The following SLC6A9 variants were observed in gnomAD, a reference collection of about 807,000 sequenced individuals.
The protein encoded by SLC6A9 is sodium- and chloride-dependent glycine transporter 1.
A neutral mutation model predicts 70.9 loss-of-function variants in SLC6A9; 31 were observed. That is an observed-to-expected ratio of 0.44 (90% CI 0.33 to 0.59). The LOEUF (loss-of-function observed/expected upper bound fraction) is 0.59. Among genes scored for constraint, SLC6A9 ranks in the 20% least tolerant of loss-of-function variants. SLC6A9 has a pLI of 0.04. For missense variants in SLC6A9, 631 were observed against 845.2 expected, an observed-to-expected ratio of 0.75 and a Z score of 3.14; for synonymous variants, 310 against 341.3, an observed-to-expected ratio of 0.91 and a Z score of 1.01.
At chr1:44,009,824 G>A in intron 4 of SLC6A9, 141 bp downstream of exon 4, 1 of 989,228 alleles carries the variant, frequency 1.0e-6, no homozygotes. Context: ...CCATGGCTTA[G>A]GCCGTTGATG....
rs1210694432 is a variant in SLC6A9 at position 44,002,415 on chromosome 1, A to G, written c.860T>C (p.Val287Ala). 2 of 1,613,852 alleles carry G rather than the reference A, an allele frequency of 1.2e-6. No homozygotes were observed. Among genetic ancestry groups the G allele is most frequent in the Non-Finnish European group, 1.7e-6 (2 of 1,179,786 alleles). The change falls in exon 8 of 14, where the codon GTG (valine) becomes GCG (alanine). Residue 287 changes from valine (V) to alanine (A), a missense_variant and splice_region_variant. Transcript: ENST00000372310. This position sits in a 1 kb window ranked among gnomAD's most constrained non-coding sequence, Gnocchi z 5.5. ...GATCTGGGAGGCAGCATCACCCCAC[A>G]CCTGCAGGGAAGGACCGGTGGGTGA... ...PQWDKILEAKVWGDAASQIFY... is the reference protein window; with the variant it reads ...PQWDKILEAKAWGDAASQIFY...
intron 2 of SLC6A9, among the ~76,000 whole-genome samples, chr1:44,019,132 T>C (rs2086833902): frequency 6.6e-6 from 1 of 152,142 alleles, no homozygotes; most frequent in Non-Finnish European, 1.5e-5. Context: ...TGAGCATTAG[T>C]AATAATGGTA....
At chr1:44,022,848 G>T (rs1027107690) in intron 2 of SLC6A9, among the ~76,000 whole-genome samples, 4 of 151,620 alleles carry the variant, frequency 2.6e-5, no homozygotes, top group Non-Finnish European at 5.9e-5. Context: ...TGGGATTACA[G>T]GTGCGCACCA....
chr1:44,016,919 G>A, intron 2 of SLC6A9: 1 of 940,930 alleles, frequency 1.1e-6, no homozygotes, highest in Non-Finnish European at 1.5e-6. Context: ...GCTGGTGTCT[G>A]TCTTGCTTGC....
chr1:43,999,757 C>A (rs1051592295), intron 12 of SLC6A9, among the ~76,000 whole-genome samples: 8 of 152,160 alleles, frequency 5.3e-5, no homozygotes, highest in African/African-American at 1.4e-4. Context: ...TGGTGCTGAG[C>A]CCCCTGTGCC....
chr1:44,020,670 C>A (rs1480234675), intron 2 of SLC6A9, among the ~76,000 whole-genome samples: 1 of 152,210 alleles, frequency 6.6e-6, no homozygotes, highest in Admixed American at 6.5e-5. Flanking sequence ...CCCAATAATG[C>A]ACCAAGCCTG....
rs1444714159 is a variant in SLC6A9, at chr1:44,002,359, G to A, written c.916C>T (p.Leu306Phe). Residue 306 changes from leucine to phenylalanine, a missense_variant, in exon 8 of 14, where the codon CTC becomes TTC. Leu to Phe is a conservative substitution (Grantham distance 22). Transcript: ENST00000372310. This position sits in a 1 kb window ranked among gnomAD's most constrained non-coding sequence, Gnocchi z 5.5. ...TTGTTGTAGGAAGCCATGGTGATGA[G>A]GCCTCCCCACGCGCAGCCCAGTGAG... Reference protein sequence around the residue: ...FYSLGCAWGGLITMASYNKFH... With the variant: ...FYSLGCAWGGFITMASYNKFH... 1.2e-6 allele frequency: 2 copies of A among 1,614,082 alleles called. No homozygotes were observed. Among genetic ancestry groups the A allele is most frequent in the Admixed American group, 3.3e-5 (2 of 60,024 alleles).
intron 12 of SLC6A9, among the ~76,000 whole-genome samples, chr1:43,998,308 A>G (rs971216871): frequency 6.6e-6 from 1 of 152,196 alleles, no homozygotes; most frequent in African/African-American, 2.4e-5. Flanking sequence ...GGAATCAGTC[A>G]GTTCTGCTCG....
At chr1:43,998,075 A>ACCCCAGG (rs1557664388) in intron 12 of SLC6A9, 50 bp from the exon 13 acceptor site, 2 of 1,515,334 alleles carry the variant, frequency 1.3e-6, no homozygotes, top group Admixed American at 1.9e-5. Context: ...CAGAGCCCAG[A>ACCCCAGG]CCCCAGGCCA....
At chr1:44,008,710 CTTTT>C (rs1235602993) in intron 4 of SLC6A9, 87 bp from the exon 5 acceptor site, 52 of 845,688 alleles carry the variant, frequency 6.1e-5, no homozygotes, top group Non-Finnish European at 8.4e-5. Flanking sequence ...CTTTTCTTTT[CTTTT>C]TTTTTTTTTG....
At chr1:44,011,924 C>T (rs1179679302) in intron 2 of SLC6A9, among the ~76,000 whole-genome samples, 1 of 152,176 alleles carries the variant, frequency 6.6e-6, no homozygotes, top group African/African-American at 2.4e-5. Context: ...GCTCCTTCCA[C>T]CTCCCTCCCA....
At chr1:44,029,339 G>GA (rs2087048690) in intron 1 of SLC6A9, among the ~76,000 whole-genome samples, 1 of 152,200 alleles carries the variant, frequency 6.6e-6, no homozygotes, top group Admixed American at 6.5e-5. Flanking sequence ...GGAGGAAGTG[G>GA]AGGAGCTGTG....
chr1:44,030,936 C>T (rs1447610853), intron 1 of SLC6A9, among the ~76,000 whole-genome samples: 1 of 152,108 alleles, frequency 6.6e-6, no homozygotes, highest in Non-Finnish European at 1.5e-5. Flanking sequence ...GCTCTGGCTC[C>T]GGCGCTACCC....
At chr1:44,025,122 G>C (rs2086958000) in intron 1 of SLC6A9, among the ~76,000 whole-genome samples, 1 of 144,136 alleles carries the variant, frequency 6.9e-6, no homozygotes. Context: ...AGTTCCCCGA[G>C]GGCTTGGGAC....
chr1:44,017,033 G>C lies in SLC6A9; in HGVS notation c.31-6151C>G, dbSNP rs774167905. The stretch of plus-strand genomic sequence containing the variant: ...CACCAAGGAGGGGGCTCAACTTCCT[G>C]GAAGGTGACTGACCTGTTCTGGGGA... On this transcript the variant is annotated intron_variant, in intron 2 of 13. Coordinates refer to ENST00000372310, the MANE Select transcript of SLC6A9 (RefSeq NM_001024845.3). 5 of 1,568,410 alleles carry C rather than the reference G, an allele frequency of 3.2e-6. No homozygotes were observed. In the African/African-American group the frequency reaches 5.6e-5, roughly 17 times the overall value.
intron 11 of SLC6A9, 29 bp downstream of exon 11, chr1:44,000,927 C>T (rs777606066): frequency 1.2e-5 from 19 of 1,600,534 alleles, no homozygotes; most frequent in African/African-American, 6.7e-5. Context: ...AGGGCCGGGT[C>T]GCGGGAGGCC....
chr1:44,001,103 C>T (rs779504377), intron 10 of SLC6A9, 48 bp from the exon 11 acceptor site: 2 of 1,611,360 alleles, frequency 1.2e-6, no homozygotes, highest in East Asian at 4.5e-5. Context: ...CCCGGGCTCC[C>T]CAACCCTTCC....
intron 2 of SLC6A9, among the ~76,000 whole-genome samples, chr1:44,023,188 G>C (rs958760317): frequency 6.6e-6 from 1 of 152,204 alleles, no homozygotes; most frequent in African/African-American, 2.4e-5. Context: ...CTCAGTCCCA[G>C]GTCCCCACCC....
intron 2 of SLC6A9, among the ~76,000 whole-genome samples, chr1:44,021,664 C>T (rs147178248): frequency 4.1e-4 from 62 of 152,350 alleles, no homozygotes; most frequent in African/African-American, 7.0e-4. Flanking sequence ...CTCACACACA[C>T]GCCCCTTAAC....
Sources: gnomAD v4.1 joint callset for allele counts (sites outside exome capture counted in the v4.1 genomes callset) on GRCh38, gnomAD v4.1.1 for gene constraint, Gnocchi (gnomAD v3.1) non-coding constraint, MANE v1.5 for transcripts, NCBI Gene and HGNC (gene_info 2026-07-23, HGNC 2026-07-21) for gene names.